The following DZANK1 variants were observed in gnomAD, a reference collection of about 807,000 sequenced individuals.
DZANK1 encodes the protein double zinc ribbon and ankyrin repeat-containing protein 1.
DZANK1 carries 91 observed loss-of-function variants against 94.5 expected under a neutral mutation model. The ratio of observed to expected loss-of-function variants is 0.96; its 90% CI spans 0.81 to 1.15. DZANK1 has a LOEUF of 1.15. DZANK1 is among the 50% of genes most tolerant of loss of function. The pLI is 0.00. For missense variants in DZANK1, 903 were observed against 916.4 expected (o/e 0.99, Z 0.19); for synonymous variants, 312 against 325.3 (o/e 0.96, Z 0.44).
At chr20:18,449,358 T>C (rs1002145899) in intron 6 of DZANK1, among the ~76,000 whole-genome samples, 9 of 151,970 alleles carry the variant, frequency 5.9e-5, no homozygotes, top group African/African-American at 1.9e-4. Flanking sequence ...CCTGAACCCA[T>C]AAAAATAAAA....
chr20:18,402,367 A>T (rs961143255), intron 13 of DZANK1, among the ~76,000 whole-genome samples: 1 of 152,166 alleles, frequency 6.6e-6, no homozygotes, highest in Non-Finnish European at 1.5e-5. Context: ...GACGAGTGGG[A>T]TCAGGCATGT....
intron 12 of DZANK1, 108 bp downstream of exon 12, chr20:18,414,240 C>G: frequency 7.6e-7 from 1 of 1,315,480 alleles, no homozygotes; most frequent in Non-Finnish European, 1.0e-6. Flanking sequence ...TGTGAAAGTT[C>G]TAAAAGTTTT....
chr20:18,428,218 T>G (rs550966705), intron 9 of DZANK1, among the ~76,000 whole-genome samples: 153 of 150,424 alleles, frequency 1.0e-3, no homozygotes, highest in African/African-American at 3.5e-3. Flanking sequence ...AGACGGAATC[T>G]CCTTCTGTCA....
chr20:18,444,967 ATT>A (rs918348204), intron 7 of DZANK1, among the ~76,000 whole-genome samples: 1 of 144,922 alleles, frequency 6.9e-6, no homozygotes. Context: ...AGCCCGGCTA[ATT>A]TTTTTTTTTT....
intron 7 of DZANK1, among the ~76,000 whole-genome samples, chr20:18,446,073 A>AC (rs1236785347): frequency 6.6e-6 from 1 of 151,858 alleles, no homozygotes; most frequent in Non-Finnish European, 1.5e-5. Flanking sequence ...CCAAAAAAAA[A>AC]AAAAAGAAAA....
chr20:18,463,518 A>G (rs63405660), intron 2 of DZANK1, among the ~76,000 whole-genome samples: 1 of 148,834 alleles, frequency 6.7e-6, no homozygotes, highest in Non-Finnish European at 1.5e-5. Context: ...AACAAAAAAA[A>G]GGTCTTTTCA....
intron 9 of DZANK1, chr20:18,428,804 T>C (rs1425707651): frequency 1.3e-5 from 2 of 152,160 alleles, no homozygotes; most frequent in Non-Finnish European, 2.9e-5. Context: ...CAGGGTTTTA[T>C]TTCCACTACC....
intron 13 of DZANK1, among the ~76,000 whole-genome samples, chr20:18,405,448 G>A (rs1338643738): frequency 6.6e-6 from 1 of 152,118 alleles, no homozygotes; most frequent in Non-Finnish European, 1.5e-5. Context: ...AATGAACAGA[G>A]CCTAAGAGAC....
At chr20:18,460,980 G>C (rs768135085) in intron 2 of DZANK1, among the ~76,000 whole-genome samples, 2 of 152,166 alleles carry the variant, frequency 1.3e-5, no homozygotes, top group Non-Finnish European at 2.9e-5. Context: ...CTAAATAATA[G>C]AGGAGTTGTG....
intron 3 of DZANK1, 105 bp from the exon 4 acceptor site, chr20:18,455,466 A>G: frequency 1.4e-6 from 1 of 724,234 alleles, no homozygotes; most frequent in Non-Finnish European, 2.3e-6. Context: ...TAGCTACTAA[A>G]TTTATTGTAT....
chr20:18,434,896 C>A (rs2058456705), intron 8 of DZANK1, among the ~76,000 whole-genome samples: 2 of 152,132 alleles, frequency 1.3e-5, no homozygotes, highest in South Asian at 4.1e-4. Context: ...GATAATGAGC[C>A]TGTTTGGGGT....
At position 18,455,507 on chromosome 20, in the gene DZANK1, A is replaced by G. The variant is rs1479512324; in HGVS notation, c.264-146T>C. The G allele has an allele frequency of 1.9e-5, 13 of 674,346 alleles. 1 individual carries two copies. Among genetic ancestry groups the G allele is most frequent in the South Asian group, 1.0e-4 (6 of 57,150 alleles). The allele number at this position is 674,346 out of a possible 1,614,324, so 41.8% of individuals were successfully genotyped here. ...ATTGAAGAAATCAAATGTAATTTCT[A>G]TAGTCTTTCCTGACCTCCTTCCTTT... On this transcript the variant is annotated intron_variant, in intron 3 of 20. Transcript: ENST00000262547.
chr20:18,448,381 C>A (rs751851037), intron 7 of DZANK1, among the ~76,000 whole-genome samples: 1 of 151,914 alleles, frequency 6.6e-6, no homozygotes. Flanking sequence ...CTGTGATGAG[C>A]GGGGGTAAAA....
intron 8 of DZANK1, among the ~76,000 whole-genome samples, chr20:18,439,238 T>C (rs2058641240): frequency 6.6e-6 from 1 of 152,174 alleles, no homozygotes; most frequent in Admixed American, 6.5e-5. Flanking sequence ...AGTCACTCAA[T>C]TGAAAGCAAC....
intron 3 of DZANK1, among the ~76,000 whole-genome samples, chr20:18,458,202 T>A (rs535412698): frequency 6.6e-6 from 1 of 152,258 alleles, no homozygotes; most frequent in African/African-American, 2.4e-5. Context: ...ATTTCTTACA[T>A]GCTCAACTTT....
chr20:18,420,136 T>C (rs2057707864), intron 10 of DZANK1: 2 of 177,306 alleles, frequency 1.1e-5, no homozygotes. Context: ...TCCTTCTTCT[T>C]ATTCGCAAAA....
intron 7 of DZANK1, among the ~76,000 whole-genome samples, chr20:18,446,914 T>C (rs1042761630): frequency 2.0e-5 from 3 of 152,320 alleles, no homozygotes; most frequent in Non-Finnish European, 2.9e-5. Flanking sequence ...ACATCCCTTA[T>C]GCAAATGCTG....
chr20:18,430,156 G>A (rs1287379071), intron 9 of DZANK1, among the ~76,000 whole-genome samples: 2 of 152,142 alleles, frequency 1.3e-5, no homozygotes, highest in Non-Finnish European at 2.9e-5. Flanking sequence ...CAATTAAAAA[G>A]GAAGAATATT....
At chr20:18,393,039 A>G (rs371174885) in intron 17 of DZANK1, among the ~76,000 whole-genome samples, 1 of 152,124 alleles carries the variant, frequency 6.6e-6, no homozygotes, top group African/African-American at 2.4e-5. Context: ...CCTGATAACT[A>G]TTTCGCAGAA....
Sources: gnomAD v4.1 joint callset for allele counts (sites outside exome capture counted in the v4.1 genomes callset) on GRCh38, gnomAD v4.1.1 for gene constraint, MANE v1.5 for transcripts, NCBI Gene and HGNC (gene_info 2026-07-23, HGNC 2026-07-21) for gene names.